The following NBAS variants were observed in gnomAD, a reference collection of about 807,000 sequenced individuals.
NBAS encodes NBAS subunit of NRZ tethering complex.
NBAS carries 219 observed loss-of-function variants against 302.5 expected under a neutral mutation model. That is an observed-to-expected ratio of 0.72 (90% CI 0.65 to 0.81). The LOEUF is 0.81. Ranked by LOEUF, NBAS falls within the 30% of genes least tolerant of loss-of-function variation. The probability of loss-of-function intolerance (pLI) is 0.00; values close to 1 mark genes in which losing one functional copy is unlikely to be tolerated. For synonymous variants in NBAS, 1,118 were observed against 1,021.6 expected, an observed-to-expected ratio of 1.09 and a Z score of -1.80; for missense variants, 2,932 against 2,841.6, an observed-to-expected ratio of 1.03 and a Z score of -0.72.
At chr2:14,783,460 T>C in the NBAS span, among the ~76,000 whole-genome samples, 1 of 119,646 alleles carries the variant, frequency 8.4e-6, no homozygotes, top group Non-Finnish European at 1.8e-5. Context: ...CCTAATGCTA[T>C]CCCTCCCCCC....
the NBAS span, among the ~76,000 whole-genome samples, chr2:14,971,746 A>G: frequency 2.0e-5 from 3 of 152,184 alleles, no homozygotes; most frequent in Non-Finnish European, 2.9e-5. Flanking sequence ...GTGACTCACC[A>G]TGCTTGTGGA....
chr2:15,310,631 A>T (rs1035743527), intron 38 of NBAS, among the ~76,000 whole-genome samples: 10 of 152,216 alleles, frequency 6.6e-5, no homozygotes, highest in African/African-American at 2.4e-4. Context: ...TACAAGATCA[A>T]AGAAGAGGTA....
chr2:15,519,273 T>C (rs1442311371), intron 9 of NBAS, among the ~76,000 whole-genome samples: 1 of 152,172 alleles, frequency 6.6e-6, no homozygotes, highest in Non-Finnish European at 1.5e-5. Flanking sequence ...AACTCTTAAC[T>C]CTCACATTTG....
chr2:15,274,901 A>T (rs1320679122), intron 44 of NBAS, among the ~76,000 whole-genome samples: 1 of 151,428 alleles, frequency 6.6e-6, no homozygotes, highest in African/African-American at 2.4e-5. Context: ...AGTAGCTGGG[A>T]CTACAGGTGC....
intron 6 of NBAS, among the ~76,000 whole-genome samples, chr2:15,544,981 A>G (rs1386359794): frequency 6.6e-6 from 1 of 151,768 alleles, no homozygotes; most frequent in African/African-American, 2.4e-5. Flanking sequence ...ACTGCACTCC[A>G]GCCTAGGTGA....
intron 25 of NBAS, among the ~76,000 whole-genome samples, chr2:15,403,908 C>CTTT (rs11286593): frequency 2.1e-4 from 28 of 134,150 alleles, no homozygotes; most frequent in African/African-American, 8.2e-4. Context: ...TGTCTATACA[C>CTTT]TTTTTTTTTT....
chr2:15,000,306 GA>G, the NBAS span, among the ~76,000 whole-genome samples: 1 of 152,162 alleles, frequency 6.6e-6, no homozygotes, highest in East Asian at 1.9e-4. Context: ...CTTAGAATGA[GA>G]TACTCCTGGG....
At chr2:14,801,022 A>C in the NBAS span, among the ~76,000 whole-genome samples, 1 of 152,066 alleles carries the variant, frequency 6.6e-6, no homozygotes, top group African/African-American at 2.4e-5. Context: ...CTGGGTATAG[A>C]ATTCTATGCT....
intron 21 of NBAS, among the ~76,000 whole-genome samples, chr2:15,430,735 C>T (rs1039172103): frequency 2.6e-5 from 4 of 152,120 alleles, no homozygotes; most frequent in African/African-American, 9.7e-5. Flanking sequence ...TAGTCCCCAA[C>T]CATTTTTCCA....
At chr2:14,835,720 TA>T in the NBAS span, among the ~76,000 whole-genome samples, 1 of 149,610 alleles carries the variant, frequency 6.7e-6, no homozygotes, top group African/African-American at 2.6e-5. Context: ...CACATTTATT[TA>T]TTTTTTTGTG....
Position 15,475,776 on chromosome 2 carries a change from A to C in NBAS, c.1252T>G (p.Leu418Val), listed in dbSNP as rs560564777. The C allele has an allele frequency of 6.2e-7, 1 of 1,614,140 alleles. No individual in the cohort carries two copies. Among genetic ancestry groups the C allele is most frequent in the East Asian group, 2.2e-5 (1 of 44,864 alleles). ...GALTVSSVKT[L>V]KNLLGKSCEW... The stretch of plus-strand genomic sequence containing the variant: ...CAGGATTTTCCCAGTAAATTCTTCA[A>C]AGTTTTCACAGATGAAACAGTTAAA... Residue 418 changes from leucine (L) to valine (V), a missense_variant, in exon 14 of 52, where the codon TTG (leucine) becomes GTG (valine). Coordinates refer to ENST00000281513, the MANE Select transcript of NBAS (RefSeq NM_015909.4).
intron 32 of NBAS, among the ~76,000 whole-genome samples, chr2:15,363,302 T>A (rs1674031098): frequency 6.6e-6 from 1 of 152,200 alleles, no homozygotes; most frequent in Admixed American, 6.5e-5. Flanking sequence ...GCTCCTCTGG[T>A]TGAGTCATGA....
intron 14 of NBAS, 63 bp from the exon 15 acceptor site, chr2:15,474,387 A>C (rs1225953368): frequency 7.0e-7 from 1 of 1,423,444 alleles, no homozygotes; most frequent in Non-Finnish European, 9.6e-7. Context: ...TTTAGAATTA[A>C]TGAAAGAAAA....
downstream of NBAS, among the ~76,000 whole-genome samples, chr2:15,165,670 TG>T (rs1170880462): frequency 1.4e-5 from 2 of 138,018 alleles, no homozygotes; most frequent in Non-Finnish European, 3.2e-5. Context: ...CCGGTGGGAG[TG>T]GGGTGGACAG....
chr2:15,233,431 A>G (rs773174026), intron 46 of NBAS, among the ~76,000 whole-genome samples: 17 of 152,208 alleles, frequency 1.1e-4, no homozygotes, highest in Admixed American at 5.2e-4. Flanking sequence ...AAAATGGGCA[A>G]TTTTTAAGAA....
chr2:15,250,722 T>C (rs1035494019), intron 44 of NBAS, among the ~76,000 whole-genome samples: 4 of 152,298 alleles, frequency 2.6e-5, no homozygotes, highest in African/African-American at 9.6e-5. Flanking sequence ...TCATCATCAC[T>C]GTTCATTAGA....
the NBAS span, among the ~76,000 whole-genome samples, chr2:14,922,970 G>A: frequency 6.6e-6 from 1 of 152,048 alleles, no homozygotes; most frequent in African/African-American, 2.4e-5. Context: ...GGCTAACACG[G>A]TGAAACCCCG....
chr2:15,444,956 T>A (rs1462944444), intron 21 of NBAS, among the ~76,000 whole-genome samples: 3 of 149,424 alleles, frequency 2.0e-5, no homozygotes, highest in South Asian at 4.3e-4. Flanking sequence ...CACAATGAGA[T>A]ACCATCTCAC....
chr2:14,938,484 C>G, the NBAS span, among the ~76,000 whole-genome samples: 2 of 152,166 alleles, frequency 1.3e-5, no homozygotes, highest in Non-Finnish European at 2.9e-5. Context: ...CAGTCTCATT[C>G]TAAAATCTCT....
Sources: allele counts gnomAD v4.1 joint callset (sites outside exome capture counted in the v4.1 genomes callset), GRCh38; gene constraint gnomAD v4.1.1; transcripts MANE v1.5; gene names NCBI Gene and HGNC (gene_info 2026-07-23, HGNC 2026-07-21).